The following PLCH1 variants were observed in gnomAD, a reference collection of about 807,000 sequenced individuals.
PLCH1 encodes 1-phosphatidylinositol 4,5-bisphosphate phosphodiesterase eta-1.
A neutral mutation model predicts 126.7 loss-of-function variants in PLCH1; 60 were observed. The observed-to-expected ratio is 0.47, with a 90% CI of 0.38 to 0.59. The LOEUF is 0.59. PLCH1 is among the 20% of genes least tolerant of loss of function. The probability of loss-of-function intolerance (pLI) is 0.00; values close to 1 mark genes in which losing one functional copy is unlikely to be tolerated. For synonymous variants in PLCH1, 719 were observed against 734.9 expected, an observed-to-expected ratio of 0.98 and a Z score of 0.35; for missense variants, 1,723 against 2,040.0, an observed-to-expected ratio of 0.84 and a Z score of 2.99.
intron 2 of PLCH1, among the ~76,000 whole-genome samples, chr3:155,639,172 A>G (rs1739091761): frequency 6.6e-6 from 1 of 152,152 alleles, no homozygotes; most frequent in African/African-American, 2.4e-5. Flanking sequence ...CCATAAATAA[A>G]CCAGGGGCCA....
rs373421378 is a variant in PLCH1 at position 155,634,329 on chromosome 3, G to A, written c.80-37951C>T. Among the ~76,000 whole-genome samples, 16 of 152,262 alleles carry A rather than the reference G, an allele frequency of 1.1e-4. No homozygotes were observed. The East Asian group carries it at 1.5e-3, about 15-fold the overall frequency. On this transcript the variant is annotated intron_variant, in intron 2 of 22. Coordinates refer to ENST00000460012, the MANE Select transcript of PLCH1 (RefSeq NM_014996.4). ...AAAGGTTCAGACTGTGCTTAACTGC[G>A]CTGCCTACTGGTAACCATCAAATGA...
intron 10 of PLCH1, among the ~76,000 whole-genome samples, chr3:155,535,825 G>C (rs1723277861): frequency 6.6e-6 from 1 of 152,166 alleles, no homozygotes; most frequent in Non-Finnish European, 1.5e-5. Context: ...TCTCTTAAAA[G>C]TGCTACCTTC....
intron 1 of PLCH1, among the ~76,000 whole-genome samples, chr3:155,733,885 C>A (rs1297586051): frequency 7.7e-6 from 1 of 129,710 alleles, no homozygotes; most frequent in African/African-American, 2.8e-5. Context: ...GGCAAAGGAC[C>A]TAGATAGATA....
At chr3:155,511,673 G>C (rs9842318) in intron 12 of PLCH1, among the ~76,000 whole-genome samples, 1 of 141,178 alleles carries the variant, frequency 7.1e-6, no homozygotes, top group Admixed American at 6.9e-5. Flanking sequence ...CGGGGGTCAG[G>C]GGTCAGGGAC....
rs940585505 is a variant in PLCH1 at position 155,483,113 on chromosome 3, T to G, written c.2975-62A>C. On this transcript the variant is annotated intron_variant, in intron 22 of 22. Coordinates refer to ENST00000460012, the MANE Select transcript of PLCH1 (RefSeq NM_014996.4). ...CACTTTATGTAGGACCTGCAAACAC[T>G]CATGTTGTCTTCGGACAGACAAATG... 7.9e-6 allele frequency: 11 copies of G among 1,400,702 alleles called. No homozygotes were observed. The African/African-American group carries it at 1.6e-4, about 20-fold the overall frequency. The allele number at this position is 1,400,702 out of a possible 1,614,324, so 86.8% of individuals were successfully genotyped here.
intron 2 of PLCH1, among the ~76,000 whole-genome samples, chr3:155,670,579 G>A (rs1448907725): frequency 6.6e-6 from 1 of 152,082 alleles, no homozygotes; most frequent in Non-Finnish European, 1.5e-5. Flanking sequence ...ATTAGAGACA[G>A]TTACAGATCA....
chr3:155,578,648 T>G (rs1037530486), intron 6 of PLCH1, among the ~76,000 whole-genome samples: 2 of 152,180 alleles, frequency 1.3e-5, no homozygotes, highest in Non-Finnish European at 2.9e-5. Flanking sequence ...AAAGACCAAA[T>G]GTATGTTTTA....
At chr3:155,487,715 AC>A (rs1174836748) in intron 21 of PLCH1, among the ~76,000 whole-genome samples, 12 of 152,188 alleles carry the variant, frequency 7.9e-5, no homozygotes, top group Non-Finnish European at 1.8e-4. Context: ...TTAAAATAAA[AC>A]TCAACATTTA....
chr3:155,695,367 AT>A lies in PLCH1; in HGVS notation c.79+8778del, dbSNP rs561353668. Among the ~76,000 whole-genome samples the A allele has an allele frequency of 1.2e-4, 19 of 152,090 alleles. No homozygotes were observed. In the South Asian group the frequency reaches 3.9e-3, roughly 32 times the overall value. On this transcript the variant is annotated intron_variant, in intron 2 of 22. Coordinates refer to ENST00000460012, the MANE Select transcript of PLCH1 (RefSeq NM_014996.4). ...ATCTCAGCAAGGATGGTTTATGAGT[AT>A]TTTTTTTCTGGGTTTCCTAAGGCAA...
At chr3:155,642,221 TG>T (rs1739481025) in intron 2 of PLCH1, among the ~76,000 whole-genome samples, 1 of 152,156 alleles carries the variant, frequency 6.6e-6, no homozygotes, top group African/African-American at 2.4e-5. Flanking sequence ...AGCCTGTAAG[TG>T]GTGGAGTAAG....
In PLCH1 at chr3:155,744,956, C is replaced by T. The variant is rs1577399523; in HGVS notation, c.-157G>A. ...GGCCCCTGTGACTCCAACTCCAAAC[C>T]CCTGCCAAGGGCCAGAAAAGCCCCC... On this transcript the variant is annotated 5_prime_UTR_variant, in exon 1 of 23. Coordinates refer to ENST00000460012, the MANE Select transcript of PLCH1 (RefSeq NM_014996.4). 6.6e-6 allele frequency: 1 copy of T among 152,544 alleles called. No individual in the cohort carries two copies. Among genetic ancestry groups the T allele is most frequent in the East Asian group, 1.9e-4 (1 of 5,206 alleles). 9.4% of individuals were successfully genotyped at this position (152,544 alleles called of 1,614,324 possible).
rs1303513505 is a variant in PLCH1, at chr3:155,586,079, T to G, written c.586A>C (p.Arg196=). The G allele has an allele frequency of 6.2e-7, 1 of 1,614,076 alleles. No homozygotes were observed. The highest frequency in any genetic ancestry group is 8.5e-7 in the Non-Finnish European group (1 of 1,179,930). The change falls in exon 5 of 23, where the codon AGA becomes CGA. Residue 196 remains arginine (R), a synonymous_variant. Coordinates refer to ENST00000460012, the MANE Select transcript of PLCH1 (RefSeq NM_014996.4). ...LNVNLPRRKV[R]QMFQEADTDE... The stretch of plus-strand genomic sequence containing the variant: ...TGAAAACTTACCTGAAACATTTGTC[T>G]GACTTTTCTTCGGGGCAGATTAACA...
chr3:155,585,915 A>C (rs1165166321), intron 5 of PLCH1, 150 bp downstream of exon 5: 4 of 629,560 alleles, frequency 6.4e-6, no homozygotes, highest in Non-Finnish European at 1.1e-5. Flanking sequence ...TTTTACTTGA[A>C]ACAAAATCAT....
Position 155,745,008 on chromosome 3 carries a change from C to T in PLCH1, c.-209G>A, listed in dbSNP as rs1333819439. On this transcript the variant is annotated 5_prime_UTR_variant, in exon 1 of 23. An upstream open reading frame in the 5' UTR gains an earlier in-frame stop. Coordinates refer to ENST00000460012, the MANE Select transcript of PLCH1 (RefSeq NM_014996.4). ...TAGAAGAGCACTTCTCCCCACTAGC[C>T]AGCAGAAGCCCCAGACGAGCGGGGA... 6.5e-6 allele frequency: 1 copy of T among 152,726 alleles called. No individual in the cohort carries two copies. Among genetic ancestry groups the T allele is most frequent in the Non-Finnish European group, 1.5e-5 (1 of 68,502 alleles). 9.5% of individuals were successfully genotyped at this position (152,726 alleles called of 1,614,324 possible).
At chr3:155,679,149 C>A (rs1436199080) in intron 2 of PLCH1, among the ~76,000 whole-genome samples, 1 of 152,126 alleles carries the variant, frequency 6.6e-6, no homozygotes. Context: ...AACAAGACAC[C>A]CAGTTAAATT....
chr3:155,476,322 C>T (rs908844578), downstream of PLCH1, among the ~76,000 whole-genome samples: 1 of 151,882 alleles, frequency 6.6e-6, no homozygotes. Flanking sequence ...TACAACAGAC[C>T]CACAGCTAGT....
chr3:155,697,388 G>A (rs1444240321), intron 2 of PLCH1, among the ~76,000 whole-genome samples: 2 of 152,138 alleles, frequency 1.3e-5, no homozygotes, highest in Non-Finnish European at 2.9e-5. Context: ...TACCTGAGCC[G>A]CTGTTAGGCG....
intron 1 of PLCH1, among the ~76,000 whole-genome samples, chr3:155,729,969 A>AT (rs1347362233): frequency 6.6e-6 from 1 of 152,076 alleles, no homozygotes; most frequent in Non-Finnish European, 1.5e-5. Context: ...TATTCAGAAT[A>AT]TAAGTCCTGA....
At chr3:155,498,818 A>C (rs66576244) in intron 14 of PLCH1, among the ~76,000 whole-genome samples, 23,409 of 152,096 alleles carry the variant, frequency 0.15, 2,335 homozygotes, top group African/African-American at 0.29. Flanking sequence ...CAAACCACTC[A>C]TAGGATCTCC....
Sources: allele counts gnomAD v4.1 joint callset (sites outside exome capture counted in the v4.1 genomes callset), GRCh38; gene constraint gnomAD v4.1.1; transcripts MANE v1.5; gene names NCBI Gene and HGNC (gene_info 2026-07-23, HGNC 2026-07-21).